ASXL2: variants seen among roughly 807,000 people sequenced by gnomAD.
ASXL2 encodes ASXL transcriptional regulator 2.
A neutral mutation model predicts 122.0 loss-of-function variants in ASXL2; 23 were observed. The observed-to-expected ratio is 0.19, with a 90% confidence interval of 0.14 to 0.27. ASXL2 has a LOEUF of 0.27. ASXL2 is among the 10% of genes least tolerant of loss of function. The pLI is 1.00. For synonymous variants in ASXL2, 650 were observed against 637.0 expected (o/e 1.02, Z -0.31); for missense variants, 1,518 against 1,713.8 (o/e 0.89, Z 2.02).
intron 5 of ASXL2, among the ~76,000 whole-genome samples, chr2:25,782,022 T>TCTCAAACTCCTGGC (rs2149162226): frequency 7.2e-6 from 1 of 138,606 alleles, no homozygotes; most frequent in East Asian, 2.1e-4. Flanking sequence ...TCCAGGTTGG[T>TCTCAAACTCCTGGC]CTCAAACTCC....
chr2:25,827,040 G>A (rs1446578736), intron 3 of ASXL2, among the ~76,000 whole-genome samples: 1 of 121,470 alleles, frequency 8.2e-6, no homozygotes, highest in Non-Finnish European at 1.7e-5. Context: ...GTCTCCCTAT[G>A]TTGCCCAAGC....
At chr2:25,813,260 T>C (rs145943108) in intron 3 of ASXL2, among the ~76,000 whole-genome samples, 73 of 152,278 alleles carry the variant, frequency 4.8e-4, no homozygotes, top group African/African-American at 1.6e-3. Context: ...CTGTGACCAG[T>C]GCTATTAATA....
chr2:25,755,702 C>A (rs2088118645), intron 10 of ASXL2, among the ~76,000 whole-genome samples: 1 of 152,154 alleles, frequency 6.6e-6, no homozygotes, highest in South Asian at 2.1e-4. Flanking sequence ...GAGCCTAATA[C>A]AATTTCAATT....
chr2:25,779,084 AT>A (rs33911748), intron 5 of ASXL2, among the ~76,000 whole-genome samples: 1,100 of 99,340 alleles, frequency 0.011, 11 homozygotes, highest in East Asian at 0.043. Flanking sequence ...CTTTTTTCTG[AT>A]TTTTTTTTTT....
chr2:25,837,529 T>A (rs975798184), intron 2 of ASXL2, among the ~76,000 whole-genome samples: 1 of 152,160 alleles, frequency 6.6e-6, no homozygotes, highest in Non-Finnish European at 1.5e-5. Flanking sequence ...TTTTTACAAT[T>A]TTCGAAAAGT....
intron 3 of ASXL2, chr2:25,810,670 C>G (rs769681086): frequency 5.4e-6 from 4 of 740,354 alleles, no homozygotes; most frequent in Non-Finnish European, 7.1e-6. Flanking sequence ...GCCCACCCAG[C>G]TACTGCTCAC....
At chr2:25,798,369 A>T (rs1413413319) in intron 5 of ASXL2, among the ~76,000 whole-genome samples, 1 of 152,236 alleles carries the variant, frequency 6.6e-6, no homozygotes, top group Non-Finnish European at 1.5e-5. Context: ...ATGAAGACAC[A>T]GAGGAACCTT....
intron 5 of ASXL2, among the ~76,000 whole-genome samples, chr2:25,783,534 A>G (rs776148172): frequency 1.9e-4 from 29 of 151,646 alleles, no homozygotes; most frequent in Non-Finnish European, 3.1e-4. Context: ...TATTTTCTTC[A>G]GCTATCTATT....
At chr2:25,786,781 G>A (rs570197473) in intron 5 of ASXL2, among the ~76,000 whole-genome samples, 89 of 151,744 alleles carry the variant, frequency 5.9e-4, no homozygotes, top group African/African-American at 2.1e-3. Context: ...CTTGAACCCT[G>A]GAGGTGGAGG....
rs550664860 is a variant in ASXL2 at position 25,788,590 on chromosome 2, G to T, written c.403+10795C>A. 6.6e-5 allele frequency among the ~76,000 whole-genome samples: 10 copies of T among 152,272 alleles called. No individual in the cohort carries two copies. In the South Asian group the frequency reaches 2.1e-3, roughly 32 times the overall value. On this transcript the variant is annotated intron_variant, in intron 5 of 12. Coordinates refer to ENST00000435504, the MANE Select transcript of ASXL2 (RefSeq NM_018263.6). ...GTATAAGAATCCCGTTATTTCACAT[G>T]ATCACTAGCAGTTGGTACCATCAGT... is the stretch of plus-strand genomic sequence containing the variant.
chr2:25,765,495 AAAAAAAG>A (rs2088332010), intron 8 of ASXL2, among the ~76,000 whole-genome samples: 1 of 152,094 alleles, frequency 6.6e-6, no homozygotes, highest in African/African-American at 2.4e-5. Context: ...AAAAAGAAAA[AAAAAAAG>A]AAAATAGTCA....
chr2:25,798,787 G>C lies in ASXL2; in HGVS notation c.403+598C>G, dbSNP rs2088949462. Among the ~76,000 whole-genome samples, 7 of 152,192 alleles carry C rather than the reference G, an allele frequency of 4.6e-5. No homozygotes were observed. The South Asian group carries it at 1.4e-3, about 32-fold the overall frequency. On this transcript the variant is annotated intron_variant, in intron 5 of 12. Coordinates refer to ENST00000435504, the MANE Select transcript of ASXL2 (RefSeq NM_018263.6). ...CTCAAAAAAAAGTCAGTGGTTGTCA[G>C]GGGTTAGGAGGCAGGAAGGGATGAA...
At chr2:25,814,752 G>C (rs752550423) in intron 3 of ASXL2, among the ~76,000 whole-genome samples, 1 of 152,158 alleles carries the variant, frequency 6.6e-6, no homozygotes, top group Non-Finnish European at 1.5e-5. Context: ...GTAGCTAGTA[G>C]GGCTAAGAGA....
intron 2 of ASXL2, among the ~76,000 whole-genome samples, chr2:25,840,727 C>T (rs949342813): frequency 9.9e-5 from 15 of 152,124 alleles, no homozygotes; most frequent in Admixed American, 5.2e-4. Context: ...GAATAATATT[C>T]CATTGTATGC....
At chr2:25,849,139 G>T (rs1007701943) in intron 1 of ASXL2, among the ~76,000 whole-genome samples, 1 of 138,300 alleles carries the variant, frequency 7.2e-6, no homozygotes, top group Non-Finnish European at 1.5e-5. Context: ...TAGGCATTTA[G>T]AATTAGTTTT....
At chr2:25,867,109 A>G (rs1002285055) in intron 1 of ASXL2, among the ~76,000 whole-genome samples, 3 of 152,114 alleles carry the variant, frequency 2.0e-5, no homozygotes, top group African/African-American at 7.2e-5. Context: ...CATGCTGGTC[A>G]GGCTGGTCTC....
chr2:25,840,660 T>C (rs1574442611), intron 2 of ASXL2, among the ~76,000 whole-genome samples: 2 of 152,228 alleles, frequency 1.3e-5, no homozygotes, highest in East Asian at 3.8e-4. Flanking sequence ...TAGCATAATG[T>C]TTTCAAGGTT....
Position 25,878,324 on chromosome 2 carries a change from G to T in ASXL2, c.-102C>A. The T allele has an allele frequency of 7.7e-7, 1 of 1,299,876 alleles. No individual in the cohort carries two copies. Among genetic ancestry groups the T allele is most frequent in the Non-Finnish European group, 1.1e-6 (1 of 913,334 alleles). The allele number at this position is 1,299,876 out of a possible 1,614,324, so 80.5% of individuals were successfully genotyped here. ...CTTTTCCCGCGGTGCCGGGAAAGGT[G>T]GGAGAAAAGGGAAGTCAGACCGGGG... On this transcript the variant is annotated 5_prime_UTR_variant, in exon 1 of 13. Transcript: ENST00000435504.
chr2:25,765,482 CAAAAAAAGAAAA>C (rs1244182690), intron 8 of ASXL2, among the ~76,000 whole-genome samples: 6 of 147,026 alleles, frequency 4.1e-5, no homozygotes, highest in African/African-American at 7.5e-5. Context: ...GACTCCCTCT[CAAAAAAAGAAAA>C]AAAAAAAGAA....
Sources: allele counts gnomAD v4.1 joint callset (sites outside exome capture counted in the v4.1 genomes callset), GRCh38; gene constraint gnomAD v4.1.1; transcripts MANE v1.5; gene names NCBI Gene and HGNC (gene_info 2026-07-23, HGNC 2026-07-21).